Variants in ZNF638 observed in about 807,000 individuals in gnomAD.
ZNF638 encodes zinc finger protein 638.
In ZNF638, 46 loss-of-function variants were observed where a neutral mutation model predicts 195.6. That is an observed-to-expected ratio of 0.24 (90% CI 0.19 to 0.30). The LOEUF is 0.30. Ranked by LOEUF, ZNF638 falls within the 10% of genes least tolerant of loss-of-function variation. The probability of loss-of-function intolerance (pLI) is 1.00; values close to 1 mark genes in which losing one functional copy is unlikely to be tolerated. For synonymous variants in ZNF638, 845 were observed against 772.0 expected, an observed-to-expected ratio of 1.09 and a Z score of -1.57; for missense variants, 2,440 against 2,325.3, an observed-to-expected ratio of 1.05 and a Z score of -1.01.
rs2079386250 is a variant in ZNF638 at position 71,374,649 on chromosome 2, GGC to G, written c.2265+4645_2265+4646del. On this transcript the variant is annotated intron_variant, in intron 8 of 27. Coordinates refer to ENST00000264447, the MANE Select transcript of ZNF638 (RefSeq NM_014497.5). ...CAAAAAACATAGTTCGTTGGCTGGT[GGC>G]TCTTGCCTGTTATCCTAGCATTTTG... Among the ~76,000 whole-genome samples the G allele has an allele frequency of 2.6e-5, 4 of 152,302 alleles. No homozygotes were observed. The East Asian group carries it at 7.7e-4, about 29-fold the overall frequency.
Position 71,349,367 on chromosome 2 carries a change from A to G in ZNF638, c.413A>G (p.Glu138Gly). ...AAAGTACAGAGCCGCTATACAAAAG[A>G]GAGTGCCTCAAGTATCTTAGCAAGT... The part of the protein sequence containing the change: ...SPKVQSRYTK[E>G]SASSILASFG... The change falls in exon 2 of 28, where the codon GAG becomes GGG. Residue 138 changes from glutamate to glycine, a missense_variant. Glu to Gly is a moderately conservative substitution (Grantham distance 98). Transcript: ENST00000264447. 1 of 1,614,190 alleles carries G rather than the reference A, an allele frequency of 6.2e-7. No homozygotes were observed. The highest frequency in any genetic ancestry group is 8.5e-7 in the Non-Finnish European group (1 of 1,180,034).
At chr2:71,402,115 T>A (rs1407818977) in intron 16 of ZNF638, 28 bp downstream of exon 16, 1 of 1,576,118 alleles carries the variant, frequency 6.3e-7, no homozygotes, top group Non-Finnish European at 8.6e-7. Flanking sequence ...GCTGTTCATA[T>A]CCTCTGCAAG....
intron 11 of ZNF638, among the ~76,000 whole-genome samples, chr2:71,397,786 T>C (rs2104420330): frequency 6.6e-6 from 1 of 152,314 alleles, no homozygotes; most frequent in South Asian, 2.1e-4. Context: ...TGCAACACTT[T>C]CATGATCACA....
chr2:71,381,524 C>T (rs2079534632), intron 10 of ZNF638, among the ~76,000 whole-genome samples: 1 of 152,036 alleles, frequency 6.6e-6, no homozygotes, highest in African/African-American at 2.4e-5. Flanking sequence ...ATTACTTCAT[C>T]TGGGGGGCAC....
At chr2:71,391,281 A>AT in intron 10 of ZNF638, among the ~76,000 whole-genome samples, 1 of 152,318 alleles carries the variant, frequency 6.6e-6, no homozygotes, top group South Asian at 2.1e-4. Flanking sequence ...TTGACTTAAA[A>AT]GACTGCTTTA....
At chr2:71,396,091 A>G (rs946849028) in intron 10 of ZNF638, 50 bp from the exon 11 acceptor site, 10 of 1,535,744 alleles carry the variant, frequency 6.5e-6, no homozygotes, top group Middle Eastern at 3.4e-4. Flanking sequence ...ACTAAATCCA[A>G]GTGATGTTAT....
intron 16 of ZNF638, among the ~76,000 whole-genome samples, 165 bp downstream of exon 16, chr2:71,402,252 ATTG>A (rs1239450693): frequency 2.6e-5 from 4 of 152,318 alleles, no homozygotes; most frequent in African/African-American, 7.2e-5. Context: ...GTATTTTAGT[ATTG>A]TTGTAACGAG....
chr2:71,338,857 TA>T (rs1202037684), intron 1 of ZNF638, among the ~76,000 whole-genome samples: 1 of 152,242 alleles, frequency 6.6e-6, no homozygotes, highest in Non-Finnish European at 1.5e-5. Context: ...ATTTTAAAAA[TA>T]TATGTAAATT....
chr2:71,361,004 A>G (rs2079100032), intron 3 of ZNF638, among the ~76,000 whole-genome samples: 1 of 152,132 alleles, frequency 6.6e-6, no homozygotes, highest in Non-Finnish European at 1.5e-5. Context: ...CCTAATGAAG[A>G]TCAACAATAT....
chr2:71,393,517 C>A, intron 10 of ZNF638: 3 of 717,946 alleles, frequency 4.2e-6, no homozygotes, highest in Non-Finnish European at 7.8e-6. Context: ...ACAGCTTCCT[C>A]AGACGACACA....
At chr2:71,410,218 G>C (rs2080184472) in intron 20 of ZNF638, among the ~76,000 whole-genome samples, 1 of 152,168 alleles carries the variant, frequency 6.6e-6, no homozygotes, top group Non-Finnish European at 1.5e-5. Context: ...TCTTAACTCT[G>C]TCACCTGGGC....
At chr2:71,379,379 T>C (rs918361911) in intron 8 of ZNF638, 10 of 152,222 alleles carry the variant, frequency 6.6e-5, no homozygotes, top group African/African-American at 1.9e-4. Context: ...GCAGTCCAAC[T>C]CCAGCCCACT....
At chr2:71,386,456 A>AAACT (rs1455435592) in intron 10 of ZNF638, among the ~76,000 whole-genome samples, 1 of 152,224 alleles carries the variant, frequency 6.6e-6, no homozygotes, top group Non-Finnish European at 1.5e-5. Context: ...GTTGGGAACT[A>AAACT]AACTGAGAAT....
intron 5 of ZNF638, 24 bp downstream of exon 5, chr2:71,364,276 T>G: frequency 6.3e-7 from 1 of 1,577,596 alleles, no homozygotes; most frequent in East Asian, 2.3e-5. Context: ...CATGAAATAG[T>G]GAATGTACTT....
At chr2:71,428,857 T>G (rs544933736) in intron 25 of ZNF638, 5 of 403,558 alleles carry the variant, frequency 1.2e-5, no homozygotes, top group African/African-American at 8.2e-5. Flanking sequence ...TGTGACAGAT[T>G]AGAGGAAATG....
intron 1 of ZNF638, among the ~76,000 whole-genome samples, chr2:71,342,218 C>CAAAA (rs70959232): frequency 0.037 from 3,692 of 98,800 alleles, 257 homozygotes; most frequent in Middle Eastern, 0.058. Context: ...GACTCTGTCT[C>CAAAA]AAAAAAAAAA....
In ZNF638 at chr2:71,377,052, T is replaced by G. The variant is rs75772054; in HGVS notation, c.2266-3170T>G. The stretch of plus-strand genomic sequence containing the variant: ...CTTTGGGAGGCCGAGGCAGGATGAT[T>G]GCTTGAGCCCAGGAGTTTGAGACTA... On this transcript the variant is annotated intron_variant, in intron 8 of 27. Coordinates refer to ENST00000264447, the MANE Select transcript of ZNF638 (RefSeq NM_014497.5). 8.5e-3 allele frequency among the ~76,000 whole-genome samples: 1,298 copies of G among 152,188 alleles called. 12 individuals carry two copies. Among genetic ancestry groups the G allele is most frequent in the South Asian group, 0.032 (153 of 4,820 alleles).
At chr2:71,376,929 C>CT (rs940476537) in intron 8 of ZNF638, among the ~76,000 whole-genome samples, 3 of 152,104 alleles carry the variant, frequency 2.0e-5, no homozygotes, top group Admixed American at 6.5e-5. Context: ...AGCAAACATT[C>CT]TTTTTTTCCC....
chr2:71,383,352 G>C (rs1320575375), intron 10 of ZNF638, among the ~76,000 whole-genome samples: 3 of 152,108 alleles, frequency 2.0e-5, no homozygotes, highest in Non-Finnish European at 4.4e-5. Context: ...AGAAGAGATA[G>C]ATTCAGAAAG....
Sources: allele counts gnomAD v4.1 joint callset (sites outside exome capture counted in the v4.1 genomes callset), GRCh38; gene constraint gnomAD v4.1.1; transcripts MANE v1.5; gene names NCBI Gene and HGNC (gene_info 2026-07-23, HGNC 2026-07-21).